CIB1: variants seen among roughly 807,000 people sequenced by gnomAD.
CIB1 encodes calcium and integrin binding 1.
Under a neutral mutation model 25.0 loss-of-function variants are expected in CIB1, and 19 were observed. That is an observed-to-expected ratio of 0.76 (90% CI 0.53 to 1.12). The LOEUF is 1.12. CIB1 is among the 50% of genes most tolerant of loss of function. The probability of loss-of-function intolerance (pLI) is 0.00; values close to 1 mark genes in which losing one functional copy is unlikely to be tolerated. For synonymous variants in CIB1, 104 were observed against 98.5 expected (o/e 1.06, Z -0.33); for missense variants, 236 against 242.6 (o/e 0.97, Z 0.18).
At chr15:90,235,870 T>A (rs1213948792), upstream of CIB1, among the ~76,000 whole-genome samples, 2 of 151,852 alleles carry the variant, frequency 1.3e-5, no homozygotes, top group Admixed American at 6.6e-5. Context: ...GCCCGGCCGA[T>A]CATTTTTCTC....
chr15:90,234,776 T>C (rs926851765), upstream of CIB1, among the ~76,000 whole-genome samples: 3 of 152,236 alleles, frequency 2.0e-5, no homozygotes, highest in Non-Finnish European at 4.4e-5. Context: ...ACCCCTAGAC[T>C]GCTGACCCTT....
At chr15:90,233,636 G>C in intron 2 of CIB1, 33 bp downstream of exon 2, 1 of 1,564,332 alleles carries the variant, frequency 6.4e-7, no homozygotes, top group Non-Finnish European at 8.7e-7. Context: ...AGAGGATCCC[G>C]GGGTCGGAGG....
At chr15:90,264,099 A>C in the CIB1 span, 1 of 1,267,222 alleles carries the variant, frequency 7.9e-7, no homozygotes, top group Non-Finnish European at 1.1e-6. Context: ...TGACATATGT[A>C]AATCCCACTA....
chr15:90,231,882 C>T (rs531652059), intron 3 of CIB1, among the ~76,000 whole-genome samples: 2 of 152,358 alleles, frequency 1.3e-5, no homozygotes, highest in East Asian at 3.9e-4. Context: ...AGGCCCTTTG[C>T]ACAGAAATTT....
At chr15:90,261,873 C>T in the CIB1 span, 2 of 673,120 alleles carry the variant, frequency 3.0e-6, no homozygotes, top group East Asian at 3.0e-5. Flanking sequence ...GGCTTGGCAG[C>T]TTTCCCTACT....
chr15:90,240,958 A>T, the CIB1 span: 1 of 1,614,126 alleles, frequency 6.2e-7, no homozygotes, highest in East Asian at 2.2e-5. Flanking sequence ...CTGCCTCCCA[A>T]CAATGAGGAC....
At chr15:90,265,439 A>C in the CIB1 span, 2 of 1,308,438 alleles carry the variant, frequency 1.5e-6, no homozygotes, top group Non-Finnish European at 1.9e-6. Flanking sequence ...GGCTCTTGGA[A>C]ACGGAATCCG....
the CIB1 span, chr15:90,263,763 G>A: frequency 2.9e-6 from 2 of 696,118 alleles, no homozygotes; most frequent in African/African-American, 1.7e-5. Flanking sequence ...AGGACAGGCT[G>A]GGCAGTCAAG....
At chr15:90,257,726 C>T in the CIB1 span, 10 of 1,613,474 alleles carry the variant, frequency 6.2e-6, no homozygotes, top group South Asian at 1.1e-5. Context: ...GTAAGAGGTA[C>T]TCCCTACTCT....
chr15:90,256,122 A>G, the CIB1 span: 9 of 1,611,948 alleles, frequency 5.6e-6, no homozygotes, highest in South Asian at 9.9e-5. Flanking sequence ...CCTTTTGACC[A>G]GGCCCTCTCT....
the CIB1 span, among the ~76,000 whole-genome samples, chr15:90,239,305 ATGTGTGTGTG>A: frequency 0.014 from 2,067 of 147,964 alleles, 49 homozygotes; most frequent in African/African-American, 0.046. Flanking sequence ...GAGACATAAA[ATGTGTGTGTG>A]TGTGTGTGTG....
chr15:90,257,553 G>T, the CIB1 span: 3 of 1,270,214 alleles, frequency 2.4e-6, no homozygotes, highest in Non-Finnish European at 3.4e-6. Flanking sequence ...CCTCGGGAGG[G>T]GTGGGGAGCA....
At chr15:90,259,939 C>T in the CIB1 span, among the ~76,000 whole-genome samples, 9 of 152,324 alleles carry the variant, frequency 5.9e-5, no homozygotes, top group African/African-American at 2.2e-4. Flanking sequence ...TCACATTGCT[C>T]TTCCCACTTA....
the CIB1 span, chr15:90,263,809 C>T: frequency 7.0e-6 from 5 of 713,614 alleles, no homozygotes; most frequent in Non-Finnish European, 1.0e-5. Context: ...ACTGGTGCTC[C>T]TAAGAGGGGC....
the CIB1 span, among the ~76,000 whole-genome samples, chr15:90,248,593 T>C: frequency 6.6e-6 from 1 of 151,588 alleles, no homozygotes; most frequent in Non-Finnish European, 1.5e-5. Flanking sequence ...TGCGCACCTG[T>C]AGCCCCAGCT....
At chr15:90,265,136 C>T in the CIB1 span, 3 of 1,230,724 alleles carry the variant, frequency 2.4e-6, no homozygotes, top group East Asian at 2.6e-5. Flanking sequence ...TTCCTCAATA[C>T]CCTAAGATTA....
chr15:90,260,701 A>G, the CIB1 span, among the ~76,000 whole-genome samples: 1 of 151,650 alleles, frequency 6.6e-6, no homozygotes, highest in South Asian at 2.1e-4. Flanking sequence ...AAATACAAAA[A>G]TTAGCTGGGC....
the CIB1 span, among the ~76,000 whole-genome samples, chr15:90,248,368 T>C: frequency 1.3e-5 from 2 of 152,180 alleles, no homozygotes. Context: ...AAATAGCTTA[T>C]CTTTATAGAC....
the CIB1 span, among the ~76,000 whole-genome samples, chr15:90,252,414 C>G: frequency 6.6e-6 from 1 of 152,086 alleles, no homozygotes; most frequent in Non-Finnish European, 1.5e-5. Flanking sequence ...CTCCTGGGCT[C>G]AAGTGATCCT....
Sources: allele counts gnomAD v4.1 joint callset (sites outside exome capture counted in the v4.1 genomes callset), GRCh38; gene constraint gnomAD v4.1.1; transcripts MANE v1.5; gene names NCBI Gene and HGNC (gene_info 2026-07-23, HGNC 2026-07-21).